Variants in ST3GAL4 observed in about 807,000 individuals in gnomAD.
ST3GAL4 encodes CMP-N-acetylneuraminate-beta-galactosamide-alpha-2,3-sialyltransferase 4.
In ST3GAL4, 24 loss-of-function variants were observed where a neutral mutation model predicts 42.6. That is an observed-to-expected ratio of 0.56 (90% CI 0.41 to 0.79). ST3GAL4 has a LOEUF of 0.79. Ranked by LOEUF, ST3GAL4 falls within the 30% of genes least tolerant of loss-of-function variation. The pLI, the probability that ST3GAL4 is intolerant of heterozygous loss-of-function variation, is 0.00. For synonymous variants in ST3GAL4, 135 were observed against 163.2 expected (o/e 0.83, Z 1.32); for missense variants, 311 against 430.8 (o/e 0.72, Z 2.46).
At chr11:126,402,467 A>AAG (rs1487931452) in intron 1 of ST3GAL4, among the ~76,000 whole-genome samples, 9 of 151,532 alleles carry the variant, frequency 5.9e-5, no homozygotes, top group East Asian at 5.8e-4. Context: ...AAAAAAAAAA[A>AAG]AAGAAGAAGA....
chr11:126,390,017 C>CAAAAAAAAAAAAAAAA (rs57306343), intron 1 of ST3GAL4, among the ~76,000 whole-genome samples: 54 of 114,216 alleles, frequency 4.7e-4, no homozygotes, highest in Non-Finnish European at 6.9e-4. Context: ...GCTAAAAATA[C>CAAAAAAAAAAAAAAAA]AAAAAAAAAA....
At chr11:126,402,329 G>A (rs1954040652) in intron 1 of ST3GAL4, among the ~76,000 whole-genome samples, 1 of 151,900 alleles carries the variant, frequency 6.6e-6, no homozygotes, top group Non-Finnish European at 1.5e-5. Context: ...GGTGACACAT[G>A]CCTGTAGTCC....
Position 126,366,083 on chromosome 11 carries a change from C to A in ST3GAL4, c.-61+10241C>A, listed in dbSNP as rs184415421. Among the ~76,000 whole-genome samples, 1 of 152,174 alleles carries A rather than the reference C, an allele frequency of 6.6e-6. No homozygotes were observed. Among genetic ancestry groups the A allele is most frequent in the African/African-American group, 2.4e-5 (1 of 41,438 alleles). Reference sequence around the variant, plus strand: ...TCCCCTTTCCGTGACTTTGGAGGAACGAGGTTCCTGAGGGCTGGCACAGCC... The same window carrying A: ...TCCCCTTTCCGTGACTTTGGAGGAAAGAGGTTCCTGAGGGCTGGCACAGCC... On this transcript the variant is annotated intron_variant, in intron 1 of 10. Coordinates refer to ENST00000444328, the MANE Select transcript of ST3GAL4 (RefSeq NM_001254757.2). The surrounding 1 kb of genome is among the most constrained non-coding windows in gnomAD (Gnocchi z 4.2).
At chr11:126,407,716 C>G (rs553969766) in intron 6 of ST3GAL4, 82 bp downstream of exon 6, 9 of 1,378,334 alleles carry the variant, frequency 6.5e-6, no homozygotes, top group African/African-American at 1.4e-5. Flanking sequence ...CCCACCCCCC[C>G]GCTCTGTGAA....
intron 1 of ST3GAL4, among the ~76,000 whole-genome samples, chr11:126,377,211 C>T (rs946923775): frequency 3.3e-5 from 5 of 152,044 alleles, no homozygotes; most frequent in Non-Finnish European, 7.3e-5. Flanking sequence ...TACTCTGTCG[C>T]CCAGGCTGGA....
intron 1 of ST3GAL4, chr11:126,403,070 GC>G (rs1012626424): frequency 3.9e-5 from 6 of 152,364 alleles, no homozygotes; most frequent in African/African-American, 1.4e-4. Flanking sequence ...GGGGAAAGGC[GC>G]CATGTTGTCT....
chr11:126,368,525 G>A (rs1472314374), intron 1 of ST3GAL4, among the ~76,000 whole-genome samples: 1 of 152,224 alleles, frequency 6.6e-6, no homozygotes, highest in Non-Finnish European at 1.5e-5. Context: ...AACAAGTAGG[G>A]AAGGAGTGAT....
At chr11:126,381,088 T>TG (rs1248053150) in intron 1 of ST3GAL4, among the ~76,000 whole-genome samples, 8 of 152,176 alleles carry the variant, frequency 5.3e-5, no homozygotes, top group Admixed American at 3.9e-4. Flanking sequence ...GGGCCTGTGG[T>TG]GCTGTCCTGC....
At chr11:126,356,497 CCCAGAACTGCCAACATGTCTG>C (rs1215687474) in intron 1 of ST3GAL4, among the ~76,000 whole-genome samples, 1 of 152,196 alleles carries the variant, frequency 6.6e-6, no homozygotes, top group African/African-American at 2.4e-5. Flanking sequence ...TCCCGGCCAG[CCCAGAACTGCCAACATGTCTG>C]CCAGCACTGC....
rs1442797508 is a variant in ST3GAL4, at chr11:126,414,044, C to G, written c.999C>G (p.Phe333Leu). Residue 333 changes from phenylalanine (F) to leucine (L), a missense_variant, in exon 11 of 11, where the codon TTC (phenylalanine) becomes TTG (leucine). Physicochemically the swap from Phe to Leu is conservative, Grantham distance 22 (BLOSUM62 0). Transcript: ENST00000444328. Reference sequence around the variant, plus strand: ...GAGCTATCAAGAACCTCACGTCCTTCTGACCTGGGCAAGAGCTGTAGCCTG... The same window carrying G: ...GAGCTATCAAGAACCTCACGTCCTTGTGACCTGGGCAAGAGCTGTAGCCTG... ...EMGAIKNLTS[F>L] 6.2e-7 allele frequency: 1 copy of G among 1,614,126 alleles called. No homozygotes were observed. Among genetic ancestry groups the G allele is most frequent in the Non-Finnish European group, 8.5e-7 (1 of 1,180,032 alleles).
chr11:126,394,342 C>G (rs1953644398), intron 1 of ST3GAL4, among the ~76,000 whole-genome samples: 1 of 152,250 alleles, frequency 6.6e-6, no homozygotes, highest in East Asian at 1.9e-4. Context: ...TTGACTCCCA[C>G]CTCGTCACAG....
At chr11:126,395,313 G>T (rs1307295729) in intron 1 of ST3GAL4, among the ~76,000 whole-genome samples, 2 of 152,112 alleles carry the variant, frequency 1.3e-5, no homozygotes, top group Non-Finnish European at 2.9e-5. Flanking sequence ...TGCAAGCAGG[G>T]GAGGGGGCCT....
chr11:126,369,724 C>T (rs1052244016), intron 1 of ST3GAL4, among the ~76,000 whole-genome samples: 3 of 152,192 alleles, frequency 2.0e-5, no homozygotes, highest in East Asian at 1.9e-4. Flanking sequence ...ATTATTACTT[C>T]AAAATGTATC....
At chr11:126,365,626 C>T (rs1247986108) in intron 1 of ST3GAL4, among the ~76,000 whole-genome samples, 1 of 152,188 alleles carries the variant, frequency 6.6e-6, no homozygotes, top group African/African-American at 2.4e-5. Flanking sequence ...GGTATCTGTC[C>T]CTCCCATCAC....
In ST3GAL4 at chr11:126,386,761, G is replaced by A. The variant is rs557722331; in HGVS notation, c.-60-19335G>A. Among the ~76,000 whole-genome samples the A allele has an allele frequency of 1.3e-5, 2 of 152,284 alleles. No homozygotes were observed. Among genetic ancestry groups the A allele is most frequent in the Non-Finnish European group, 2.9e-5 (2 of 68,024 alleles). On this transcript the variant is annotated intron_variant, in intron 1 of 10. Coordinates refer to ENST00000444328, the MANE Select transcript of ST3GAL4 (RefSeq NM_001254757.2). The surrounding 1 kb of genome is among the most constrained non-coding windows in gnomAD (Gnocchi z 4.7). ...CTTCCCCTGGGGTGCTTCTGGCAAC[G>A]CCCAGGTCTGTGCACATCCAGATCT...
At chr11:126,382,918 CA>C (rs1953064161) in intron 1 of ST3GAL4, among the ~76,000 whole-genome samples, 1 of 152,244 alleles carries the variant, frequency 6.6e-6, no homozygotes, top group African/African-American at 2.4e-5. Flanking sequence ...GCTGGCGGGG[CA>C]GCTGGAGGAA....
chr11:126,380,714 TAG>T (rs1952962533), intron 1 of ST3GAL4, among the ~76,000 whole-genome samples: 1 of 152,194 alleles, frequency 6.6e-6, no homozygotes, highest in South Asian at 2.1e-4. Context: ...GCCCTAGCAC[TAG>T]AGACCTCCTC....
chr11:126,360,726 G>C (rs1308313656), intron 1 of ST3GAL4, among the ~76,000 whole-genome samples: 1 of 152,182 alleles, frequency 6.6e-6, no homozygotes, highest in Admixed American at 6.5e-5. Flanking sequence ...CCAGCCGAGC[G>C]TGTCTGTCTT....
intron 1 of ST3GAL4, among the ~76,000 whole-genome samples, chr11:126,385,948 TG>T (rs1285700694): frequency 6.6e-6 from 1 of 152,186 alleles, no homozygotes; most frequent in Non-Finnish European, 1.5e-5. Context: ...GGGTGGCCTG[TG>T]ACATCTATAC....
Sources: gnomAD v4.1 joint callset for allele counts (sites outside exome capture counted in the v4.1 genomes callset) on GRCh38, gnomAD v4.1.1 for gene constraint, Gnocchi (gnomAD v3.1) non-coding constraint, MANE v1.5 for transcripts, NCBI Gene and HGNC (gene_info 2026-07-23, HGNC 2026-07-21) for gene names.